The following DNAH17 variants were observed in gnomAD, a reference collection of about 807,000 sequenced individuals.
The protein encoded by DNAH17 is axonemal beta dynein heavy chain 17.
In DNAH17, 376 loss-of-function variants were observed where a neutral mutation model predicts 485.6. The ratio of observed to expected loss-of-function variants is 0.77; its 90% CI spans 0.71 to 0.84. The LOEUF is 0.84. Among genes scored for constraint, DNAH17 ranks in the 40% least tolerant of loss-of-function variants. DNAH17 has a pLI of 0.00. For synonymous variants in DNAH17, 3,031 were observed against 2,405.9 expected, an observed-to-expected ratio of 1.26 and a Z score of -7.60; for missense variants, 6,370 against 5,839.3, an observed-to-expected ratio of 1.09 and a Z score of -2.96.
chr17:78,454,969 G>C (rs1351844416), intron 63 of DNAH17, among the ~76,000 whole-genome samples: 2 of 152,026 alleles, frequency 1.3e-5, no homozygotes, highest in Non-Finnish European at 2.9e-5. Context: ...GAGTGCAGTG[G>C]TGTGATCTTG....
At chr17:78,455,590 G>A in intron 63 of DNAH17, 54 bp downstream of exon 63, 1 of 1,397,626 alleles carries the variant, frequency 7.2e-7, no homozygotes, top group Non-Finnish European at 9.5e-7. Flanking sequence ...GCCTCCCAAA[G>A]TGCTGGCATT....
At chr17:78,514,331 C>T (rs1229221644) in intron 26 of DNAH17, among the ~76,000 whole-genome samples, 1 of 151,776 alleles carries the variant, frequency 6.6e-6, no homozygotes, top group Non-Finnish European at 1.5e-5. Context: ...ATGGTGAAAC[C>T]CCGTCTGTAC....
chr17:78,507,847 A>T (rs1370435170), intron 27 of DNAH17, 42 bp from the exon 28 acceptor site: 3 of 1,474,970 alleles, frequency 2.0e-6, no homozygotes, highest in Middle Eastern at 1.7e-4. Flanking sequence ...AGCATTTGGC[A>T]TGCAAAGCTC....
At position 78,514,924 on chromosome 17, in the gene DNAH17, C is replaced by G; in HGVS notation, c.3963G>C (p.Arg1321Ser). The change falls in exon 26 of 81, where the codon AGG becomes AGC. Residue 1321 changes from arginine to serine, a missense_variant. By Grantham distance (110) the Arg-to-Ser change is moderately radical. Coordinates refer to ENST00000389840, the MANE Select transcript of DNAH17 (RefSeq NM_173628.4). ...IDCKKFAKDM[R>S]SLDKEMKTWD... Reference sequence around the variant, plus strand: ...AGGTTTTCATCTCCTTGTCCAAAGACCTCATGTCCTTGGCAAACTTCTTAC... The same window carrying G: ...AGGTTTTCATCTCCTTGTCCAAAGAGCTCATGTCCTTGGCAAACTTCTTAC... 1 of 1,614,050 alleles carries G rather than the reference C, an allele frequency of 6.2e-7. No individual in the cohort carries two copies. The highest frequency in any genetic ancestry group is 8.5e-7 in the Non-Finnish European group (1 of 1,179,904).
chr17:78,505,623 AGTCAG>A (rs1490483106), intron 30 of DNAH17, among the ~76,000 whole-genome samples, 178 bp from the exon 31 acceptor site: 1 of 152,236 alleles, frequency 6.6e-6, no homozygotes. Flanking sequence ...GACTGCTCTG[AGTCAG>A]GACACAGAAA....
chr17:78,446,685 C>T (rs1040586927), intron 69 of DNAH17, among the ~76,000 whole-genome samples: 3 of 151,948 alleles, frequency 2.0e-5, no homozygotes. Flanking sequence ...ACTCTGTCAC[C>T]CAGGCTGGAG....
chr17:78,543,736 T>A, intron 17 of DNAH17, 121 bp downstream of exon 17: 1 of 1,465,600 alleles, frequency 6.8e-7, no homozygotes. Flanking sequence ...GGTCACAGAC[T>A]TCTATGACTA....
rs757409591 is a variant in DNAH17, at chr17:78,479,621, G to T, written c.7764C>A (p.Cys2588Ter). The change falls in exon 50 of 81, where the codon TGC (cysteine) becomes TGA (stop). Residue 2588 changes from cysteine (C) to a stop codon, truncating the protein, a stop_gained. Transcript: ENST00000389840. LOFTEE classifies it high-confidence loss of function. Reference sequence around the variant, plus strand: ...GGCCGGGGAAGCTCACAGCAAACACGCAGAAATGGCGCTACCCCAAAACAA... The same window carrying T: ...GGCCGGGGAAGCTCACAGCAAACACTCAGAAATGGCGCTACCCCAAAACAA... ...TIDSRLQRHF[C>*]VFAVSFPGQE... 6.2e-7 allele frequency: 1 copy of T among 1,612,944 alleles called. No homozygotes were observed. The highest frequency in any genetic ancestry group is 8.5e-7 in the Non-Finnish European group (1 of 1,179,740).
rs139662091 is a variant in DNAH17 at position 78,475,488 on chromosome 17, T to C, written c.8320-19A>G. On this transcript the variant is annotated intron_variant, in intron 53 of 80. Coordinates refer to ENST00000389840, the MANE Select transcript of DNAH17 (RefSeq NM_173628.4). ...ACAGCACCTGCAGAAACCGGAGAGA[T>C]CCCACAACATCTTGTAGCACCTGGA... 4,441 of 1,613,150 alleles carry C rather than the reference T, an allele frequency of 2.8e-3. 10 individuals are homozygous for C. Among genetic ancestry groups the C allele is most frequent in the Non-Finnish European group, 3.2e-3 (3,741 of 1,179,792 alleles).
rs1456921876 is a variant in DNAH17 at position 78,480,671 on chromosome 17, G to A, written c.7752+13C>T. ...CATGGCAGGTGACGGGGATGAGTAT[G>A]GTTTCTGCTTACCTGAAGCCTGGAG... On this transcript the variant is annotated intron_variant, in intron 49 of 80. Coordinates refer to ENST00000389840, the MANE Select transcript of DNAH17 (RefSeq NM_173628.4). 3 of 1,609,464 alleles carry A rather than the reference G, an allele frequency of 1.9e-6. No individual in the cohort carries two copies. The highest frequency in any genetic ancestry group is 2.2e-5 in the South Asian group (2 of 90,676).
chr17:78,533,568 A>G (rs1179475367), intron 19 of DNAH17, among the ~76,000 whole-genome samples: 1 of 152,172 alleles, frequency 6.6e-6, no homozygotes, highest in African/African-American at 2.4e-5. Context: ...AGAAAACCCA[A>G]CCCAAACTGG....
chr17:78,461,223 C>G (rs532398925), intron 58 of DNAH17, among the ~76,000 whole-genome samples: 4 of 152,258 alleles, frequency 2.6e-5, no homozygotes, highest in African/African-American at 4.8e-5. Context: ...CATGCAGGCC[C>G]CATTGAGCAG....
intron 48 of DNAH17, among the ~76,000 whole-genome samples, chr17:78,483,699 A>G (rs6501217): frequency 0.75 from 113,781 of 151,552 alleles, 42,847 homozygotes; most frequent in Admixed American, 0.82. Flanking sequence ...CCTCAAGTAG[A>G]CTACCTAACC....
chr17:78,544,215 AC>A (rs1197640109), intron 16 of DNAH17, among the ~76,000 whole-genome samples: 1 of 152,124 alleles, frequency 6.6e-6, no homozygotes, highest in Non-Finnish European at 1.5e-5. Flanking sequence ...CAAAACCAAA[AC>A]CAGGGCCTAG....
At position 78,507,262 on chromosome 17, in the gene DNAH17, T is replaced by A; in HGVS notation, c.4676+16A>T. ...GCACCACTGACTCCCCTGGTCTGGA[T>A]AGGTGTGAGCCGCACCTCTTCTTCA... is the stretch of plus-strand genomic sequence containing the variant. On this transcript the variant is annotated intron_variant, in intron 29 of 80. Transcript: ENST00000389840. 6.2e-7 allele frequency: 1 copy of A among 1,613,498 alleles called. No homozygotes were observed. The highest frequency in any genetic ancestry group is 8.5e-7 in the Non-Finnish European group (1 of 1,179,570).
At chr17:78,542,925 C>T (rs1356839844) in intron 17 of DNAH17, among the ~76,000 whole-genome samples, 1 of 152,216 alleles carries the variant, frequency 6.6e-6, no homozygotes, top group Non-Finnish European at 1.5e-5. Context: ...CTCGGCAGCT[C>T]ATCCTGGGAA....
chr17:78,509,980 G>C (rs908134060), intron 27 of DNAH17, among the ~76,000 whole-genome samples: 1 of 152,094 alleles, frequency 6.6e-6, no homozygotes, highest in Non-Finnish European at 1.5e-5. Flanking sequence ...TCAGGAGCTC[G>C]AGACCAGACT....
intron 10 of DNAH17, 21 bp from the exon 11 acceptor site, chr17:78,566,751 C>A: frequency 6.4e-7 from 1 of 1,561,316 alleles, no homozygotes; most frequent in Non-Finnish European, 8.7e-7. Flanking sequence ...ATGGAAATGT[C>A]AACCTTGTAA....
intron 3 of DNAH17, among the ~76,000 whole-genome samples, chr17:78,572,363 C>T (rs1202079503): frequency 1.3e-5 from 2 of 152,144 alleles, no homozygotes; most frequent in African/African-American, 4.8e-5. Flanking sequence ...TAAAGCTGTG[C>T]CTCCTGTTTC....
Sources: gnomAD v4.1 joint callset for allele counts (sites outside exome capture counted in the v4.1 genomes callset) on GRCh38, gnomAD v4.1.1 for gene constraint, MANE v1.5 for transcripts, NCBI Gene and HGNC (gene_info 2026-07-23, HGNC 2026-07-21) for gene names.